The following XPNPEP3 variants were observed in gnomAD, a reference collection of about 807,000 sequenced individuals.
XPNPEP3 encodes X-prolyl aminopeptidase 3, also known as xaa-Pro aminopeptidase 3.
In XPNPEP3, 41 loss-of-function variants were observed where a neutral mutation model predicts 60.0. That is an observed-to-expected ratio of 0.68 (90% confidence interval 0.53 to 0.89). XPNPEP3 has a LOEUF of 0.89. Ranked by LOEUF, XPNPEP3 falls within the 40% of genes least tolerant of loss-of-function variation. The pLI is 0.00. For synonymous variants in XPNPEP3, 212 were observed against 223.2 expected (o/e 0.95, Z 0.45); for missense variants, 598 against 638.9 (o/e 0.94, Z 0.69).
chr22:40,872,382 T>C (rs1241464456), intron 2 of XPNPEP3, among the ~76,000 whole-genome samples: 1 of 152,134 alleles, frequency 6.6e-6, no homozygotes, highest in African/African-American at 2.4e-5. Flanking sequence ...CTACCTTGTC[T>C]CACACTTGAC....
At chr22:40,866,878 G>A (rs1368329920) in intron 1 of XPNPEP3, among the ~76,000 whole-genome samples, 1 of 152,118 alleles carries the variant, frequency 6.6e-6, no homozygotes, top group Non-Finnish European at 1.5e-5. Flanking sequence ...TCCAAAATAT[G>A]CTAGGATTAT....
chr22:40,891,656 A>AG (rs1481160729), intron 4 of XPNPEP3, among the ~76,000 whole-genome samples: 1 of 152,016 alleles, frequency 6.6e-6, no homozygotes, highest in Non-Finnish European at 1.5e-5. Flanking sequence ...CCATCTCAAA[A>AG]AAAAAAAAAA....
intron 4 of XPNPEP3, among the ~76,000 whole-genome samples, chr22:40,903,911 CAA>C (rs1491373130): frequency 1.3e-3 from 174 of 134,282 alleles, no homozygotes; most frequent in African/African-American, 4.3e-3. Flanking sequence ...CACACACACA[CAA>C]GTTTCATGAA....
intron 1 of XPNPEP3, 85 bp from the exon 2 acceptor site, chr22:40,868,914 C>T (rs1281626579): frequency 1.9e-6 from 2 of 1,078,374 alleles, no homozygotes; most frequent in Non-Finnish European, 2.9e-6. Flanking sequence ...TCTAAAGCAT[C>T]TAAACTGCTA....
rs888459959 is a variant in XPNPEP3, at chr22:40,860,714, G to A, written c.64+3469G>A. 41 of 988,172 alleles carry A rather than the reference G, an allele frequency of 4.1e-5. No individual in the cohort carries two copies. In the African/African-American group the frequency reaches 5.2e-4, roughly 12 times the overall value. The allele number at this position is 988,172 out of a possible 1,614,324, so 61.2% of individuals were successfully genotyped here. A position where few individuals can be genotyped will look rare whatever the true frequency, so the allele number is the denominator to read the frequency against. On this transcript the variant is annotated intron_variant, in intron 1 of 9. Transcript: ENST00000357137. ...GTCACCCAAGCTGGAGTGCAGTGGC[G>A]TGATCCCATTACACTGCAACCTATG...
intron 1 of XPNPEP3, among the ~76,000 whole-genome samples, chr22:40,864,315 T>G (rs1344377366): frequency 6.6e-6 from 1 of 152,162 alleles, no homozygotes; most frequent in Non-Finnish European, 1.5e-5. Context: ...CATCTTAGTT[T>G]TAGTGGGGTT....
intron 4 of XPNPEP3, among the ~76,000 whole-genome samples, chr22:40,890,767 C>T (rs2058085397): frequency 6.6e-6 from 1 of 151,560 alleles, no homozygotes; most frequent in South Asian, 2.1e-4. Context: ...CTCAGGAGGC[C>T]AAAATGGGAG....
chr22:40,917,115 A>G (rs2058199049), intron 7 of XPNPEP3: 1 of 152,574 alleles, frequency 6.6e-6, no homozygotes, highest in Admixed American at 6.6e-5. Flanking sequence ...ACAATGACCA[A>G]GCATAGTGGC....
rs546404938 is a variant in XPNPEP3 at position 40,930,575 on chromosome 22, CTT to C, written c.*4151_*4152del. 3.7e-5 allele frequency: 5 copies of C among 136,008 alleles called. No individual in the cohort carries two copies. The highest frequency in any genetic ancestry group is 7.3e-5 in the Admixed American group (1 of 13,624). The allele number at this position is 136,008 out of a possible 1,614,324, so 8.4% of individuals were successfully genotyped here. A position where few individuals can be genotyped will look rare whatever the true frequency, so the allele number is the denominator to read the frequency against. On this transcript the variant is annotated 3_prime_UTR_variant, in exon 10 of 10. Transcript: ENST00000357137. ...ATTTATTTGTGTTGAGCCTTTAGTT[CTT>C]TTTTTTTTTTGAGATAGAGTCTCAC... is the stretch of plus-strand genomic sequence containing the variant.
Position 40,922,367 on chromosome 22 carries a change from G to A in XPNPEP3, c.1090G>A (p.Val364Ile), listed in dbSNP as rs552046158. ...TAPQAELYEA[V>I]LEIQRDCLAL... Reference sequence around the variant, plus strand: ...ACCTCAGGCAGAACTCTATGAAGCCGTTCTAGAGATCCAAAGAGATTGTTT... The same window carrying A: ...ACCTCAGGCAGAACTCTATGAAGCCATTCTAGAGATCCAAAGAGATTGTTT... Residue 364 changes from valine (V) to isoleucine (I), a missense_variant, in exon 8 of 10, where the codon GTT becomes ATT. By Grantham distance (29) the Val-to-Ile change is conservative. Coordinates refer to ENST00000357137, the MANE Select transcript of XPNPEP3 (RefSeq NM_022098.4). 16 of 1,613,846 alleles carry A rather than the reference G, an allele frequency of 9.9e-6. No homozygotes were observed. The highest frequency in any genetic ancestry group is 8.0e-5 in the African/African-American group (6 of 74,992).
At chr22:40,907,108 A>C (rs1276578163) in intron 4 of XPNPEP3, 1 of 456,202 alleles carries the variant, frequency 2.2e-6, no homozygotes, top group African/African-American at 2.0e-5. Flanking sequence ...AAGTCAAAGC[A>C]AAATGTTTTC....
intron 4 of XPNPEP3, among the ~76,000 whole-genome samples, chr22:40,887,786 C>T (rs868469150): frequency 6.6e-6 from 1 of 151,824 alleles, no homozygotes; most frequent in East Asian, 1.9e-4. Flanking sequence ...ATTCCTGCTA[C>T]GTAACAGTAA....
At chr22:40,903,658 T>A (rs2058143389) in intron 4 of XPNPEP3, among the ~76,000 whole-genome samples, 1 of 151,888 alleles carries the variant, frequency 6.6e-6, no homozygotes, top group Non-Finnish European at 1.5e-5. Context: ...CCCGGCTAAT[T>A]TTTGTATTTT....
At chr22:40,877,994 G>T (rs1444818584) in intron 2 of XPNPEP3, among the ~76,000 whole-genome samples, 1 of 152,094 alleles carries the variant, frequency 6.6e-6, no homozygotes, top group East Asian at 1.9e-4. Context: ...ATCACCTGAG[G>T]TCAGGAGTTC....
chr22:40,889,127 C>T (rs1205299352), intron 4 of XPNPEP3, among the ~76,000 whole-genome samples: 1 of 151,886 alleles, frequency 6.6e-6, no homozygotes, highest in African/African-American at 2.4e-5. Context: ...AATTCCTGGA[C>T]TTAGGGGATA....
At chr22:40,904,542 C>T (rs1395525786) in intron 4 of XPNPEP3, among the ~76,000 whole-genome samples, 1 of 151,986 alleles carries the variant, frequency 6.6e-6, no homozygotes, top group East Asian at 1.9e-4. Flanking sequence ...TAGCAAGACC[C>T]CATCTCTTAA....
chr22:40,864,603 G>A (rs1368265244), intron 1 of XPNPEP3, among the ~76,000 whole-genome samples: 1 of 151,834 alleles, frequency 6.6e-6, no homozygotes, highest in Non-Finnish European at 1.5e-5. Context: ...GCACCACCAC[G>A]CCCGGCTAAT....
Position 40,861,766 on chromosome 22 carries a change from C to T in XPNPEP3, c.64+4521C>T, listed in dbSNP as rs1006184349. On this transcript the variant is annotated intron_variant, in intron 1 of 9. Transcript: ENST00000357137. ...TCACATTCATCATCAAAATGACTTC[C>T]ACCTCCGTTTAATCCTTCTGTGCCA... 1.9e-6 allele frequency: 3 copies of T among 1,613,314 alleles called. No homozygotes were observed. In the African/African-American group the frequency reaches 4.0e-5, roughly 22 times the overall value.
rs1391046954 is a variant in XPNPEP3 at position 40,861,990 on chromosome 22, A to T, written c.64+4745A>T. The T allele has an allele frequency of 1.3e-6, 2 of 1,588,354 alleles. No homozygotes were observed. The highest frequency in any genetic ancestry group is 3.6e-5 in the Admixed American group (2 of 54,886). On this transcript the variant is annotated intron_variant, in intron 1 of 9. Coordinates refer to ENST00000357137, the MANE Select transcript of XPNPEP3 (RefSeq NM_022098.4). ...CAGTCCTAGAACTTCATAGTAATCC[A>T]CCATGTTTTAACAGATAGTTGGAAG...
Sources: gnomAD v4.1 joint callset for allele counts (sites outside exome capture counted in the v4.1 genomes callset) on GRCh38, gnomAD v4.1.1 for gene constraint, MANE v1.5 for transcripts, NCBI Gene and HGNC (gene_info 2026-07-23, HGNC 2026-07-21) for gene names.